The following FSIP2 variants were observed in gnomAD, a reference collection of about 807,000 sequenced individuals.
FSIP2 encodes fibrous sheath-interacting protein 2.
FSIP2 carries 367 observed loss-of-function variants against 510.5 expected under a neutral mutation model. The observed-to-expected ratio is 0.72, with a 90% CI of 0.66 to 0.78. The LOEUF is 0.78. Ranked by LOEUF, FSIP2 falls within the 30% of genes least tolerant of loss-of-function variation. FSIP2 has a pLI of 0.00. For synonymous variants in FSIP2, 2,601 were observed against 2,732.2 expected, an observed-to-expected ratio of 0.95 and a Z score of 1.50; for missense variants, 7,594 against 7,901.7, an observed-to-expected ratio of 0.96 and a Z score of 1.48.
At position 185,833,161 on chromosome 2, in the gene FSIP2, G is replaced by A; in HGVS notation, c.20659G>A (p.Val6887Met). The change falls in exon 23 of 23, where the codon GTG (valine) becomes ATG (methionine). Residue 6887 changes from valine to methionine, a missense_variant. Physicochemically the swap from Val to Met is conservative, Grantham distance 21. Coordinates refer to ENST00000424728, the MANE Select transcript of FSIP2 (RefSeq NM_173651.4). Reference sequence around the variant, plus strand: ...AAAAATGTCTTCAACTTTGTCAAAGGTGTTTTCTCAATGTAACACCAATAT... The same window carrying A: ...AAAAATGTCTTCAACTTTGTCAAAGATGTTTTCTCAATGTAACACCAATAT... ...LTKMSSTLSK[V>M]FSQCNTNISR... The A allele has an allele frequency of 6.2e-7, 1 of 1,610,296 alleles. No individual in the cohort carries two copies. Among genetic ancestry groups the A allele is most frequent in the Non-Finnish European group, 8.5e-7 (1 of 1,177,426 alleles).
At position 185,739,488 on chromosome 2, in the gene FSIP2, C is replaced by T. The variant is rs188196751; in HGVS notation, c.225+17C>T. ...GGTGAAAAGGTGAACAAGTTTTTAT[C>T]GTCTTTCTTTCCTTTACCCTTTACT... On this transcript the variant is annotated intron_variant, in intron 2 of 22. Transcript: ENST00000424728. 46 of 1,482,508 alleles carry T rather than the reference C, an allele frequency of 3.1e-5. No homozygotes were observed. The African/African-American group carries it at 6.1e-4, about 20-fold the overall frequency. The allele number at this position is 1,482,508 out of a possible 1,614,324, so 91.8% of individuals were successfully genotyped here.
At chr2:185,832,232 T>C (rs1050770371) in intron 22 of FSIP2, among the ~76,000 whole-genome samples, 2 of 151,878 alleles carry the variant, frequency 1.3e-5, no homozygotes, top group Admixed American at 1.3e-4. Context: ...ATGTTTCAAA[T>C]CCCAATCTCA....
Position 185,796,012 on chromosome 2 carries a change from G to T in FSIP2, c.8876G>T (p.Gly2959Val), listed in dbSNP as rs912502697. 1.3e-6 allele frequency: 2 copies of T among 1,533,752 alleles called. No individual in the cohort carries two copies. Among genetic ancestry groups the T allele is most frequent in the African/African-American group, 2.7e-5 (2 of 72,828 alleles). Residue 2959 changes from glycine (G) to valine (V), a missense_variant, in exon 16 of 23, where the codon GGT becomes GTT. Transcript: ENST00000424728. Reference protein sequence around the residue: ...KEHITAKSKYGFPNKHSLSSL... With the variant: ...KEHITAKSKYVFPNKHSLSSL... ...CACATTACTGCTAAAAGTAAATATGGTTTTCCAAACAAGCATAGCCTCAGC... is the reference window on the plus strand; with the variant it reads ...CACATTACTGCTAAAAGTAAATATGTTTTTCCAAACAAGCATAGCCTCAGC...
rs746421694 is a variant in FSIP2 at position 185,808,281 on chromosome 2, T to C, written c.18975T>C (p.Ile6325=). The C allele has an allele frequency of 6.2e-7, 1 of 1,601,784 alleles. No homozygotes were observed. The highest frequency in any genetic ancestry group is 1.1e-5 in the South Asian group (1 of 88,424). ...AAATTATGGAAAAAGTGATCAAAAT[T>C]ATTGATGAACTTAAGTCTAAGGAAA... ...AVKIMEKVIK[I]IDELKSKEKS... The change falls in exon 17 of 23, where the codon ATT becomes ATC. Residue 6325 remains isoleucine (I), a synonymous_variant. Transcript: ENST00000424728.
At chr2:185,761,875 A>G (rs1333395445) in intron 10 of FSIP2, 97 bp from the exon 11 acceptor site, 2 of 601,816 alleles carry the variant, frequency 3.3e-6, no homozygotes, top group East Asian at 5.8e-5. Flanking sequence ...AAAGAGGGAA[A>G]ACATCTGTAT....
At chr2:185,760,856 T>G in intron 9 of FSIP2, 132 bp from the exon 10 acceptor site, 1 of 491,556 alleles carries the variant, frequency 2.0e-6, no homozygotes, top group Non-Finnish European at 3.6e-6. Context: ...CAGTGATGGT[T>G]TCACAGTTGG....
intron 13 of FSIP2, among the ~76,000 whole-genome samples, chr2:185,772,705 G>A (rs1348647233): frequency 6.6e-6 from 1 of 152,042 alleles, no homozygotes; most frequent in African/African-American, 2.4e-5. Flanking sequence ...ATATTTGAAG[G>A]GGATAAAACA....
intron 20 of FSIP2, among the ~76,000 whole-genome samples, chr2:185,827,461 G>A (rs974942993): frequency 5.9e-5 from 9 of 151,856 alleles, no homozygotes; most frequent in Non-Finnish European, 1.3e-4. Flanking sequence ...TGTTCACACA[G>A]CTTTAAGCAA....
chr2:185,746,461 G>C (rs1388370843), intron 5 of FSIP2, among the ~76,000 whole-genome samples: 1 of 152,024 alleles, frequency 6.6e-6, no homozygotes, highest in Non-Finnish European at 1.5e-5. Context: ...GTGTAGTGGA[G>C]AGACCTTATA....
At chr2:185,816,010 G>T (rs1341112082) in intron 19 of FSIP2, among the ~76,000 whole-genome samples, 1 of 152,012 alleles carries the variant, frequency 6.6e-6, no homozygotes, top group African/African-American at 2.4e-5. Flanking sequence ...CAAAGTATGG[G>T]CTATAACAGT....
At position 185,800,939 on chromosome 2, in the gene FSIP2, G is replaced by A. The variant is rs570764009; in HGVS notation, c.11633G>A (p.Arg3878Lys). The change falls in exon 17 of 23, where the codon AGA becomes AAA. Residue 3878 changes from arginine to lysine, a missense_variant. Coordinates refer to ENST00000424728, the MANE Select transcript of FSIP2 (RefSeq NM_173651.4). ...AATAAGCATTTGAACTACAGAACAA[G>A]AGAAATACAGTCTAGTTTCATAAAA... ...FANKHLNYRT[R>K]EIQSSFIKAR... The A allele has an allele frequency of 2.0e-6, 3 of 1,530,996 alleles. No individual in the cohort carries two copies. The highest frequency in any genetic ancestry group is 2.4e-5 in the South Asian group (2 of 83,606). The allele number at this position is 1,530,996 out of a possible 1,614,324, so 94.8% of individuals were successfully genotyped here.
intron 13 of FSIP2, chr2:185,766,111 C>A (rs2105566010): frequency 6.6e-6 from 1 of 152,204 alleles, no homozygotes; most frequent in African/African-American, 2.4e-5. Context: ...TTGACTTCCT[C>A]TTTTCCTAAT....
At chr2:185,818,331 T>C (rs1297251840) in intron 19 of FSIP2, among the ~76,000 whole-genome samples, 2 of 151,888 alleles carry the variant, frequency 1.3e-5, no homozygotes, top group Non-Finnish European at 2.9e-5. Flanking sequence ...TAAGGGATTT[T>C]TGAAACACCA....
chr2:185,738,710 G>A (rs1470161869), upstream of FSIP2: 11 of 1,535,962 alleles, frequency 7.2e-6, no homozygotes, highest in African/African-American at 4.1e-5. Flanking sequence ...GCGCTGGCGC[G>A]AGCCGCCCCT....
Position 185,805,993 on chromosome 2 carries a change from G to T in FSIP2, c.16687G>T (p.Glu5563Ter). The T allele has an allele frequency of 6.4e-7, 1 of 1,554,762 alleles. No individual in the cohort carries two copies. Among genetic ancestry groups the T allele is most frequent in the South Asian group, 1.2e-5 (1 of 81,666 alleles). Reference sequence around the variant, plus strand: ...TTTGAGTGAAACATTTAATAATAATGAAATTGAGAAGAAAAGAAATTTAAT... The same window carrying T: ...TTTGAGTGAAACATTTAATAATAATTAAATTGAGAAGAAAAGAAATTTAAT... ...PNLSETFNNN[E>*]IEKKRNLIPT... The change falls in exon 17 of 23, where the codon GAA becomes TAA. Residue 5563 changes from glutamate (E) to a stop codon, truncating the protein, a stop_gained. Transcript: ENST00000424728. LOFTEE classifies it high-confidence loss of function.
At chr2:185,832,571 T>C (rs1694127875) in intron 22 of FSIP2, among the ~76,000 whole-genome samples, 1 of 151,672 alleles carries the variant, frequency 6.6e-6, no homozygotes, top group South Asian at 2.1e-4. Flanking sequence ...TCTTTATATA[T>C]AAAATTATTT....
Position 185,807,832 on chromosome 2 carries a change from T to C in FSIP2, c.18526T>C (p.Tyr6176His), listed in dbSNP as rs1330305622. 1.2e-6 allele frequency: 2 copies of C among 1,611,912 alleles called. No individual in the cohort carries two copies. The highest frequency in any genetic ancestry group is 1.7e-6 in the Non-Finnish European group (2 of 1,179,074). The change falls in exon 17 of 23, where the codon TAT becomes CAT. Residue 6176 changes from tyrosine (Y) to histidine (H), a missense_variant. Transcript: ENST00000424728. ...ACCTTCACATGCTGATAAGCTGTCT[T>C]ATAACATAATAGAAGAAATTGCTGT... The part of the protein sequence containing the change: ...PKPSHADKLS[Y>H]NIIEEIAVKF...
At chr2:185,757,746 T>C (rs148112487) in intron 9 of FSIP2, among the ~76,000 whole-genome samples, 2 of 151,454 alleles carry the variant, frequency 1.3e-5, no homozygotes, top group East Asian at 3.9e-4. Flanking sequence ...GCTTCTTAGC[T>C]TGTCTTTGTA....
chr2:185,792,367 AAAGAG>A lies in FSIP2; in HGVS notation c.5236_5240del (p.Glu1746SerfsTer7). 3 of 1,531,342 alleles carry A rather than the reference AAAGAG, an allele frequency of 2.0e-6. No homozygotes were observed. Among genetic ancestry groups the A allele is most frequent in the Non-Finnish European group, 1.7e-6 (2 of 1,144,864 alleles). 94.9% of individuals were successfully genotyped at this position (1,531,342 alleles called of 1,614,324 possible). On this transcript the variant is annotated frameshift_variant, in exon 16 of 23. Transcript: ENST00000424728. LOFTEE classifies it high-confidence loss of function. Reference sequence around the variant, plus strand: ...AAAATTATTGATGAGAGATCCCCACAAAGAGAAGAAGTGAAAACACGTTCTCTTAA... The same window carrying A: ...AAAATTATTGATGAGAGATCCCCACAAAGAAGTGAAAACACGTTCTCTTAA...
Sources: gnomAD v4.1 joint callset for allele counts (sites outside exome capture counted in the v4.1 genomes callset) on GRCh38, gnomAD v4.1.1 for gene constraint, MANE v1.5 for transcripts, NCBI Gene and HGNC (gene_info 2026-07-23, HGNC 2026-07-21) for gene names.